Variants in TENM4 observed in about 807,000 individuals in gnomAD.
TENM4 encodes the protein teneurin-4.
Under a neutral mutation model 243.3 loss-of-function variants are expected in TENM4, and 82 were observed. The ratio of observed to expected loss-of-function variants is 0.34; its 90% CI spans 0.28 to 0.40. The LOEUF is 0.40. TENM4 is among the 10% of genes least tolerant of loss of function. TENM4 has a pLI of 1.00. For synonymous variants in TENM4, 1,412 were observed against 1,456.3 expected (o/e 0.97, Z 0.69); for missense variants, 3,138 against 3,673.3 (o/e 0.85, Z 3.77).
rs1320184176 is a variant in TENM4, at chr11:78,654,275, G to C, written c.*3783C>G. On this transcript the variant is annotated 3_prime_UTR_variant, in exon 34 of 34. Coordinates refer to ENST00000278550, the MANE Select transcript of TENM4 (RefSeq NM_001098816.3). Reference sequence around the variant, plus strand: ...GAGCAGTGGATGCTCAAATCCCCAAGCCTGACACCCTGCTGAGAGCTTGAA... The same window carrying C: ...GAGCAGTGGATGCTCAAATCCCCAACCCTGACACCCTGCTGAGAGCTTGAA... 6 of 152,148 alleles carry C rather than the reference G, an allele frequency of 3.9e-5. No homozygotes were observed. The highest frequency in any genetic ancestry group is 8.8e-5 in the Non-Finnish European group (6 of 68,046). 9.4% of individuals were successfully genotyped at this position (152,148 alleles called of 1,614,324 possible).
chr11:79,083,049 T>C (rs1860714825), intron 4 of TENM4, among the ~76,000 whole-genome samples: 1 of 152,202 alleles, frequency 6.6e-6, no homozygotes, highest in African/African-American at 2.4e-5. Flanking sequence ...ACACGCCTAA[T>C]CAAGCCTTGT....
intron 6 of TENM4, among the ~76,000 whole-genome samples, chr11:79,060,052 A>G (rs1288307677): frequency 6.6e-6 from 1 of 152,230 alleles, no homozygotes; most frequent in African/African-American, 2.4e-5. Context: ...TAGCTGTGGG[A>G]CAAATTACAG....
intron 4 of TENM4, among the ~76,000 whole-genome samples, chr11:79,111,396 T>C (rs1327405901): frequency 6.6e-6 from 1 of 151,946 alleles, no homozygotes; most frequent in African/African-American, 2.4e-5. Flanking sequence ...ATACAAAAGA[T>C]GAGCTGGGCA....
intron 1 of TENM4, among the ~76,000 whole-genome samples, chr11:79,362,379 C>CCTATT (rs1459523583): frequency 2.8e-4 from 43 of 152,320 alleles, no homozygotes; most frequent in African/African-American, 9.9e-4. Context: ...GTACTGTATA[C>CCTATT]ACGGAAATAG....
chr11:79,386,778 T>A lies in TENM4; in HGVS notation c.-321+53731A>T, dbSNP rs915382379. ...TTTTTTTTTTAAGTGAGCAAAAAAA[T>A]TTTTTTTTATTTTTTTAGTGAGCAA... On this transcript the variant is annotated intron_variant, in intron 1 of 33. Coordinates refer to ENST00000278550, the MANE Select transcript of TENM4 (RefSeq NM_001098816.3). 1.2e-4 allele frequency among the ~76,000 whole-genome samples: 18 copies of A among 151,500 alleles called. No individual in the cohort carries two copies. The South Asian group carries it at 1.3e-3, about 11-fold the overall frequency.
intron 15 of TENM4, among the ~76,000 whole-genome samples, chr11:78,802,253 T>A (rs1423273526): frequency 6.6e-6 from 1 of 152,236 alleles, no homozygotes; most frequent in Non-Finnish European, 1.5e-5. Context: ...AAGTGCTTAC[T>A]GTATGACGGA....
chr11:79,118,349 T>A (rs946346610), intron 4 of TENM4, among the ~76,000 whole-genome samples: 10 of 152,230 alleles, frequency 6.6e-5, no homozygotes, highest in Admixed American at 2.6e-4. Context: ...AGAATTACTC[T>A]GGAAAGAAGA....
chr11:79,101,453 G>A (rs991705960), intron 4 of TENM4, among the ~76,000 whole-genome samples: 1 of 152,226 alleles, frequency 6.6e-6, no homozygotes, highest in Non-Finnish European at 1.5e-5. Flanking sequence ...AACACACAGG[G>A]TCCTGGCTTT....
intron 9 of TENM4, among the ~76,000 whole-genome samples, chr11:78,871,671 T>C (rs1472793216): frequency 6.6e-6 from 1 of 152,184 alleles, no homozygotes; most frequent in Non-Finnish European, 1.5e-5. Context: ...GCCATCCTCA[T>C]TGCTTGTTCT....
At chr11:78,820,033 C>T (rs1857693084) in intron 12 of TENM4, among the ~76,000 whole-genome samples, 1 of 152,140 alleles carries the variant, frequency 6.6e-6, no homozygotes, top group Admixed American at 6.5e-5. Flanking sequence ...TCAGGTTACA[C>T]CTATTTCATC....
At chr11:78,814,260 G>A in intron 13 of TENM4, 34 bp downstream of exon 13, 1 of 1,541,584 alleles carries the variant, frequency 6.5e-7, no homozygotes. Flanking sequence ...GGTCTGGGAA[G>A]CAGAAATCCA....
intron 2 of TENM4, among the ~76,000 whole-genome samples, chr11:79,236,965 G>A (rs489724): frequency 0.54 from 82,406 of 151,944 alleles, 25,111 homozygotes; most frequent in African/African-American, 0.82. Flanking sequence ...AGGGGATTCC[G>A]TTAAAGGAGC....
chr11:78,754,632 T>C (rs1464433212), intron 19 of TENM4, among the ~76,000 whole-genome samples: 2 of 152,102 alleles, frequency 1.3e-5, no homozygotes, highest in Non-Finnish European at 2.9e-5. Context: ...ACTCACACTG[T>C]GGGAAGGCCT....
chr11:78,916,344 TCA>T (rs966401705), intron 6 of TENM4, among the ~76,000 whole-genome samples: 23 of 152,190 alleles, frequency 1.5e-4, no homozygotes, highest in Non-Finnish European at 4.4e-5. Context: ...GGCTATTAAT[TCA>T]CTCTCATAGC....
At chr11:78,772,416 C>T (rs545589104) in intron 17 of TENM4, among the ~76,000 whole-genome samples, 3 of 152,320 alleles carry the variant, frequency 2.0e-5, no homozygotes, top group African/African-American at 7.2e-5. Context: ...TCCATCTCCT[C>T]TCTGCTGCTG....
chr11:79,157,692 T>A (rs553426717), intron 3 of TENM4, among the ~76,000 whole-genome samples: 69 of 152,324 alleles, frequency 4.5e-4, no homozygotes, highest in Middle Eastern at 3.4e-3. Flanking sequence ...ACTCCTCTTC[T>A]AAGGCCTCGT....
intron 1 of TENM4, among the ~76,000 whole-genome samples, chr11:79,398,111 C>T (rs2135551266): frequency 6.6e-6 from 1 of 152,284 alleles, no homozygotes; most frequent in Middle Eastern, 3.4e-3. Context: ...GAATCCAGTG[C>T]AGACAGAAGG....
At chr11:79,261,317 G>C (rs1281683454) in intron 2 of TENM4, among the ~76,000 whole-genome samples, 1 of 152,152 alleles carries the variant, frequency 6.6e-6, no homozygotes, top group Non-Finnish European at 1.5e-5. Context: ...TGATAGATCT[G>C]ACCCCACAAA....
chr11:78,841,507 G>A (rs1858258149), intron 12 of TENM4, among the ~76,000 whole-genome samples: 1 of 152,050 alleles, frequency 6.6e-6, no homozygotes, highest in East Asian at 1.9e-4. Context: ...CACCTTCAAG[G>A]TTGATCTCAT....
Sources: gnomAD v4.1 joint callset for allele counts (sites outside exome capture counted in the v4.1 genomes callset) on GRCh38, gnomAD v4.1.1 for gene constraint, MANE v1.5 for transcripts, NCBI Gene and HGNC (gene_info 2026-07-23, HGNC 2026-07-21) for gene names.